Variants in PLCXD3 observed in about 807,000 individuals in gnomAD.
PLCXD3 encodes the protein PI-PLC X domain-containing protein 3.
PLCXD3 carries 19 observed loss-of-function variants against 25.5 expected under a neutral mutation model. The observed-to-expected ratio is 0.75, with a 90% CI of 0.52 to 1.09. The LOEUF (loss-of-function observed/expected upper bound fraction) is 1.09. Ranked by LOEUF, PLCXD3 falls within the 50% of genes least tolerant of loss-of-function variation. The pLI is 0.00. For synonymous variants in PLCXD3, 174 were observed against 137.6 expected, an observed-to-expected ratio of 1.26 and a Z score of -1.85; for missense variants, 411 against 388.1, an observed-to-expected ratio of 1.06 and a Z score of -0.50.
chr5:41,470,280 G>T (rs965744125), intron 1 of PLCXD3, among the ~76,000 whole-genome samples: 4 of 152,136 alleles, frequency 2.6e-5, no homozygotes, highest in African/African-American at 9.7e-5. Flanking sequence ...AATGGTAAAT[G>T]ACTTAGAAGA....
intron 1 of PLCXD3, among the ~76,000 whole-genome samples, chr5:41,478,717 C>A (rs561296186): frequency 6.6e-6 from 1 of 152,242 alleles, no homozygotes; most frequent in South Asian, 2.1e-4. Context: ...TATTATCTTA[C>A]TGCTATGAAG....
chr5:41,495,281 A>G (rs1008014356), intron 1 of PLCXD3, among the ~76,000 whole-genome samples: 2 of 152,250 alleles, frequency 1.3e-5, no homozygotes, highest in African/African-American at 2.4e-5. Context: ...CACCTGTAGA[A>G]GAGAGCTAAT....
intron 1 of PLCXD3, among the ~76,000 whole-genome samples, chr5:41,419,065 C>G (rs1396549572): frequency 6.6e-6 from 1 of 152,066 alleles, no homozygotes. Context: ...TATTAGTTCC[C>G]TCTTCTCACT....
At chr5:41,407,458 T>C (rs1746385599) in intron 1 of PLCXD3, among the ~76,000 whole-genome samples, 1 of 152,240 alleles carries the variant, frequency 6.6e-6, no homozygotes, top group Non-Finnish European at 1.5e-5. Flanking sequence ...TTTTGCTTAC[T>C]GTGTTGATTA....
intron 2 of PLCXD3, among the ~76,000 whole-genome samples, chr5:41,375,437 T>G (rs1468116334): frequency 2.6e-5 from 4 of 152,126 alleles, no homozygotes; most frequent in African/African-American, 9.7e-5. Context: ...GAGTCCTGAA[T>G]TTTAATCCTT....
At chr5:41,317,489 G>A (rs940115638) in intron 2 of PLCXD3, among the ~76,000 whole-genome samples, 1 of 151,944 alleles carries the variant, frequency 6.6e-6, no homozygotes, top group African/African-American at 2.4e-5. Context: ...CACCATCTGG[G>A]GAAAGGTGAC....
At position 41,381,873 on chromosome 5, in the gene PLCXD3, A is replaced by G; in HGVS notation, c.765T>C (p.Thr255=). Residue 255 remains threonine (T), a synonymous_variant, in exon 2 of 3, where the codon ACT becomes ACC. Transcript: ENST00000377801. The part of the protein sequence containing the change: ...SQVVLTPKAS[T]VVKGVASGLR... ...GGCCACTTGCCACCCCTTTGACCAC[A>G]GTGCTAGCTTTGGGGGTCAGCACCA... 1 of 1,612,796 alleles carries G rather than the reference A, an allele frequency of 6.2e-7. No individual in the cohort carries two copies. The highest frequency in any genetic ancestry group is 8.5e-7 in the Non-Finnish European group (1 of 1,179,560).
rs1290651002 is a variant in PLCXD3 at position 41,403,398 on chromosome 5, GTTGT to G, written c.104-20868_104-20865del. Among the ~76,000 whole-genome samples, 10 of 33,990 alleles carry G rather than the reference GTTGT, an allele frequency of 2.9e-4. 3 individuals carry two copies. The highest frequency in any genetic ancestry group is 1.1e-3 in the African/African-American group (10 of 8,808). The allele number at this position is 33,990 out of a possible 152,430, so 22.3% of individuals were successfully genotyped here. A position where few individuals can be genotyped will look rare whatever the true frequency, so the allele number is the denominator to read the frequency against. ...GCCATTTACCCAGATTGACTTATTT[GTTGT>G]TTTTTTTTTTTTTTATTATACTCTA... On this transcript the variant is annotated intron_variant, in intron 1 of 2. Coordinates refer to ENST00000377801, the MANE Select transcript of PLCXD3 (RefSeq NM_001005473.3).
At chr5:41,500,379 A>G (rs1214810623) in intron 1 of PLCXD3, among the ~76,000 whole-genome samples, 1 of 151,904 alleles carries the variant, frequency 6.6e-6, no homozygotes, top group Non-Finnish European at 1.5e-5. Context: ...AAATACATGT[A>G]CATACGAATG....
intron 2 of PLCXD3, among the ~76,000 whole-genome samples, chr5:41,347,342 G>A (rs777900954): frequency 1.3e-5 from 2 of 152,100 alleles, no homozygotes; most frequent in African/African-American, 2.4e-5. Context: ...TTCACTAATG[G>A]CAAGGCTTGT....
At chr5:41,459,349 C>T (rs1240762046) in intron 1 of PLCXD3, among the ~76,000 whole-genome samples, 2 of 151,798 alleles carry the variant, frequency 1.3e-5, no homozygotes, top group African/African-American at 4.8e-5. Flanking sequence ...ATCAATGTGG[C>T]AGAGTGGCCT....
chr5:41,475,605 G>T (rs746183559), intron 1 of PLCXD3: 2 of 534,424 alleles, frequency 3.7e-6, no homozygotes, highest in Non-Finnish European at 7.7e-6. Flanking sequence ...GGTCCCTTCA[G>T]GTCTCTTCAG....
intron 1 of PLCXD3, among the ~76,000 whole-genome samples, chr5:41,464,239 G>A (rs1342710033): frequency 6.6e-6 from 1 of 152,122 alleles, no homozygotes; most frequent in East Asian, 1.9e-4. Context: ...CATTTATTGA[G>A]TTCTCCCAAT....
chr5:41,426,168 C>T lies in PLCXD3; in HGVS notation c.104-43634G>A, dbSNP rs567086731. 2.0e-4 allele frequency among the ~76,000 whole-genome samples: 30 copies of T among 152,018 alleles called. No individual in the cohort carries two copies. The South Asian group carries it at 5.0e-3, about 25-fold the overall frequency. Reference sequence around the variant, plus strand: ...TTCTAATAGGTATGTAGTGGTATCTCATTGTTGTTTTAGTTTACATTTTTC... The same window carrying T: ...TTCTAATAGGTATGTAGTGGTATCTTATTGTTGTTTTAGTTTACATTTTTC... On this transcript the variant is annotated intron_variant, in intron 1 of 2. Coordinates refer to ENST00000377801, the MANE Select transcript of PLCXD3 (RefSeq NM_001005473.3).
In PLCXD3 at chr5:41,311,291, G is replaced by C. The variant is rs1415455192; in HGVS notation, c.*2326C>G. 2.0e-5 allele frequency: 3 copies of C among 151,870 alleles called. No homozygotes were observed. The highest frequency in any genetic ancestry group is 4.4e-5 in the Non-Finnish European group (3 of 67,942). The allele number at this position is 151,870 out of a possible 1,614,324, so 9.4% of individuals were successfully genotyped here. On this transcript the variant is annotated 3_prime_UTR_variant, in exon 3 of 3. Transcript: ENST00000377801. ...ACATAAAGAGCAGGTGTAAAAGACA[G>C]AAAGATAATAAAACTACAAGGGAAG...
At position 41,312,413 on chromosome 5, in the gene PLCXD3, C is replaced by G. The variant is rs1388716780; in HGVS notation, c.*1204G>C. On this transcript the variant is annotated 3_prime_UTR_variant, in exon 3 of 3. Transcript: ENST00000377801. ...TGCTCTAACTGCTTCTACCAGCCTT[C>G]CTCTTTCTTTCCTTCAAGTCAAAAA... 6.6e-6 allele frequency: 1 copy of G among 152,176 alleles called. No homozygotes were observed. The highest frequency in any genetic ancestry group is 1.5e-5 in the Non-Finnish European group (1 of 68,022). The allele number at this position is 152,176 out of a possible 1,614,324, so 9.4% of individuals were successfully genotyped here.
intron 1 of PLCXD3, among the ~76,000 whole-genome samples, chr5:41,397,033 A>G (rs1746028216): frequency 6.6e-6 from 1 of 152,244 alleles, no homozygotes; most frequent in Admixed American, 6.5e-5. Flanking sequence ...AAGTTTGGAA[A>G]ATTTGCAGCC....
chr5:41,424,558 T>G (rs926469246), intron 1 of PLCXD3, among the ~76,000 whole-genome samples: 13 of 152,214 alleles, frequency 8.5e-5, no homozygotes, highest in Admixed American at 7.2e-4. Flanking sequence ...AAATAGGTTG[T>G]GAATTTCACT....
intron 1 of PLCXD3, among the ~76,000 whole-genome samples, chr5:41,476,004 C>T (rs1748275803): frequency 6.6e-6 from 1 of 152,194 alleles, no homozygotes; most frequent in South Asian, 2.1e-4. Flanking sequence ...AGCTGCTTAA[C>T]TTATAACAGG....
Sources: allele counts gnomAD v4.1 joint callset (sites outside exome capture counted in the v4.1 genomes callset), GRCh38; gene constraint gnomAD v4.1.1; transcripts MANE v1.5; gene names NCBI Gene and HGNC (gene_info 2026-07-23, HGNC 2026-07-21).